Variants in PPP2R5C observed in about 807,000 individuals in gnomAD.
The protein encoded by PPP2R5C is protein phosphatase 2 regulatory subunit B'gamma.
Under a neutral mutation model 68.9 loss-of-function variants are expected in PPP2R5C, and 7 were observed. The ratio of observed to expected loss-of-function variants is 0.10; its 90% CI spans 0.06 to 0.19. The LOEUF is 0.19. Ranked by LOEUF, PPP2R5C falls within the 10% of genes least tolerant of loss-of-function variation. The probability of loss-of-function intolerance (pLI) is 1.00; values close to 1 mark genes in which losing one functional copy is unlikely to be tolerated. For synonymous variants in PPP2R5C, 210 were observed against 222.2 expected (o/e 0.95, Z 0.49); for missense variants, 348 against 641.3 (o/e 0.54, Z 4.94).
Position 101,882,628 on chromosome 14 carries a change from G to A in PPP2R5C, c.405+357G>A. The A allele has an allele frequency of 5.5e-6, 1 of 180,266 alleles. No homozygotes were observed. Among genetic ancestry groups the A allele is most frequent in the Non-Finnish European group, 1.2e-5 (1 of 86,534 alleles). 11.2% of individuals were successfully genotyped at this position (180,266 alleles called of 1,614,324 possible). On this transcript the variant is annotated intron_variant, in intron 3 of 13. Coordinates refer to ENST00000334743, the Ensembl canonical transcript of PPP2R5C. This position sits in a 1 kb window ranked among gnomAD's most constrained non-coding sequence, Gnocchi z 4.9. Reference sequence around the variant, plus strand: ...TGCTGGGCCCCCAGGTCCTGCGCTGGCCACTGCCTTTCCCCAGGGCATTTG... The same window carrying A: ...TGCTGGGCCCCCAGGTCCTGCGCTGACCACTGCCTTTCCCCAGGGCATTTG...
In PPP2R5C at chr14:101,909,553, C is replaced by T. The variant is rs189217339; in HGVS notation, c.1152-36C>T. 643 of 1,440,084 alleles carry T rather than the reference C, an allele frequency of 4.5e-4. 8 individuals carry two copies. The Admixed American group carries it at 0.01, about 22-fold the overall frequency. 89.2% of individuals were successfully genotyped at this position (1,440,084 alleles called of 1,614,324 possible). ...GAGAGGCGAGGGCTCAGCAGGAATG[C>T]GTGCTCCCAGGCTCACCGTGCGGTT... On this transcript the variant is annotated intron_variant, in intron 10 of 13. Coordinates refer to ENST00000334743, the Ensembl canonical transcript of PPP2R5C.
chr14:101,868,054 G>A (rs968354236), intron 2 of PPP2R5C, among the ~76,000 whole-genome samples: 3 of 152,136 alleles, frequency 2.0e-5, no homozygotes, highest in African/African-American at 4.8e-5. Context: ...TGTGGGGCAC[G>A]TTCCTTCTTC....
intron 2 of PPP2R5C, among the ~76,000 whole-genome samples, chr14:101,876,735 C>T (rs572383369): frequency 1.8e-4 from 28 of 152,236 alleles, no homozygotes; most frequent in African/African-American, 6.5e-4. Context: ...CAGATGGGGC[C>T]GTGTGAATCA....
intron 2 of PPP2R5C, among the ~76,000 whole-genome samples, chr14:101,871,312 G>A (rs897791407): frequency 7.2e-5 from 11 of 151,946 alleles, no homozygotes; most frequent in Non-Finnish European, 1.5e-4. Flanking sequence ...CACAATCTCT[G>A]CTCACTGCAA....
chr14:101,870,598 TTTC>T (rs2043341523), intron 2 of PPP2R5C, among the ~76,000 whole-genome samples: 1 of 152,246 alleles, frequency 6.6e-6, no homozygotes, highest in Non-Finnish European at 1.5e-5. Flanking sequence ...CTATAACCTC[TTTC>T]TTCTTTTTGA....
At chr14:101,840,692 A>G (rs907628670) in intron 1 of PPP2R5C, among the ~76,000 whole-genome samples, 3 of 152,122 alleles carry the variant, frequency 2.0e-5, no homozygotes, top group South Asian at 2.1e-4. Context: ...GCCTCTTTCA[A>G]CCAACATTTA....
At chr14:101,893,210 T>C (rs1315413183) in intron 7 of PPP2R5C, 102 bp downstream of exon 9, 5 of 757,480 alleles carry the variant, frequency 6.6e-6, no homozygotes, top group Admixed American at 2.5e-5. Context: ...TTCTTCTTTA[T>C]AGGCCTGTAC....
At chr14:101,834,104 C>T (rs8003364) in intron 1 of PPP2R5C, among the ~76,000 whole-genome samples, 11,934 of 152,254 alleles carry the variant, frequency 0.078, 497 homozygotes, top group Middle Eastern at 0.14. Context: ...CCACCACACC[C>T]GGCCTGAATC....
chr14:101,810,019 T>C (rs1227969992), exon 1 of PPP2R5C: 1 of 1,613,928 alleles, frequency 6.2e-7, no homozygotes, highest in East Asian at 2.2e-5. Flanking sequence ...CAGCCCGTGG[T>C]CCTTCTCCAT....
At chr14:101,889,918 T>A in intron 5 of PPP2R5C, 1 of 493,494 alleles carries the variant, frequency 2.0e-6, no homozygotes, top group South Asian at 1.6e-5. Flanking sequence ...TGGAGCACAT[T>A]GCTCGTGGTC....
At chr14:101,862,761 T>C (rs7145618) in intron 2 of PPP2R5C, among the ~76,000 whole-genome samples, 9,173 of 151,006 alleles carry the variant, frequency 0.061, 394 homozygotes, top group East Asian at 0.15. Flanking sequence ...ACTTAATTTG[T>C]TCTGGAAAAT....
intron 13 of PPP2R5C, chr14:101,921,192 C>A: frequency 3.9e-6 from 1 of 258,364 alleles, no homozygotes; most frequent in Non-Finnish European, 7.9e-6. Context: ...TTCAGCCTCC[C>A]AAGCAGCAGT....
chr14:101,857,579 G>T (rs1302481194), intron 2 of PPP2R5C, among the ~76,000 whole-genome samples: 1 of 152,170 alleles, frequency 6.6e-6, no homozygotes, highest in East Asian at 1.9e-4. Context: ...GTTTTATTCA[G>T]CCCCCAGATC....
At chr14:101,772,507 T>G (rs974777811) in intron 2 of PPP2R5C, among the ~76,000 whole-genome samples, 13 of 152,190 alleles carry the variant, frequency 8.5e-5, no homozygotes, top group African/African-American at 3.1e-4. Flanking sequence ...AAAAATAAAG[T>G]AATGCGGCTG....
intron 1 of PPP2R5C, chr14:101,819,041 T>C: frequency 6.4e-7 from 1 of 1,551,640 alleles, no homozygotes; most frequent in Non-Finnish European, 8.7e-7. Flanking sequence ...CCTCCACTTC[T>C]TCCTGAGTTG....
intron 1 of PPP2R5C, among the ~76,000 whole-genome samples, chr14:101,810,891 AT>A (rs962432266): frequency 5.3e-5 from 8 of 151,690 alleles, no homozygotes; most frequent in African/African-American, 9.7e-5. Flanking sequence ...AGATATATGA[AT>A]TTTTTTTTGG....
At chr14:101,805,610 T>G (rs555840796), upstream of PPP2R5C, among the ~76,000 whole-genome samples, 1 of 152,344 alleles carries the variant, frequency 6.6e-6, no homozygotes, top group South Asian at 2.1e-4. Flanking sequence ...AGCCCCATGT[T>G]CATGGCAACA....
At chr14:101,824,354 A>G (rs2040269832) in intron 1 of PPP2R5C, 2 of 347,816 alleles carry the variant, frequency 5.8e-6, no homozygotes, top group Non-Finnish European at 1.0e-5. Flanking sequence ...GGGAAACAGT[A>G]GGAAAGCATC....
At chr14:101,895,983 C>G (rs1407098610) in intron 8 of PPP2R5C, among the ~76,000 whole-genome samples, 1 of 152,076 alleles carries the variant, frequency 6.6e-6, no homozygotes, top group East Asian at 1.9e-4. Context: ...AGTGCTGATG[C>G]TGCTGCTGCT....
Sources: gnomAD v4.1 joint callset for allele counts (sites outside exome capture counted in the v4.1 genomes callset) on GRCh38, gnomAD v4.1.1 for gene constraint, Gnocchi (gnomAD v3.1) non-coding constraint, MANE v1.5 for transcripts, NCBI Gene and HGNC (gene_info 2026-07-23, HGNC 2026-07-21) for gene names.